Variants in DIP2C observed in about 807,000 individuals in gnomAD.
DIP2C encodes disco-interacting protein 2 homolog C.
DIP2C carries 33 observed loss-of-function variants against 192.4 expected under a neutral mutation model. The observed-to-expected ratio is 0.17, with a 90% CI of 0.13 to 0.23. DIP2C has a LOEUF of 0.23. Ranked by LOEUF, DIP2C falls within the 10% of genes least tolerant of loss-of-function variation. The pLI is 1.00. For missense variants in DIP2C, 1,537 were observed against 2,110.1 expected, an observed-to-expected ratio of 0.73 and a Z score of 5.32; for synonymous variants, 979 against 864.1, an observed-to-expected ratio of 1.13 and a Z score of -2.33.
At chr10:642,040 A>G (rs963770037) in intron 1 of DIP2C, among the ~76,000 whole-genome samples, 1 of 152,162 alleles carries the variant, frequency 6.6e-6, no homozygotes, top group Non-Finnish European at 1.5e-5. Context: ...GGAAAGAAAG[A>G]AAGAAATACA....
intron 32 of DIP2C, among the ~76,000 whole-genome samples, chr10:293,215 G>A (rs1383252186): frequency 2.0e-5 from 3 of 152,238 alleles, no homozygotes; most frequent in Non-Finnish European, 2.9e-5. Context: ...GAAGGGTCCA[G>A]CATCCTCAGC....
At chr10:468,674 C>A (rs989987634) in intron 3 of DIP2C, among the ~76,000 whole-genome samples, 1 of 152,154 alleles carries the variant, frequency 6.6e-6, no homozygotes, top group Non-Finnish European at 1.5e-5. Context: ...GCAGGAGAAT[C>A]GCTTGAACCC....
At chr10:532,192 G>A (rs898179394) in intron 1 of DIP2C, among the ~76,000 whole-genome samples, 16 of 152,132 alleles carry the variant, frequency 1.1e-4, no homozygotes, top group African/African-American at 3.9e-4. Flanking sequence ...TTGCATGGAT[G>A]TAAACCCACC....
intron 29 of DIP2C, among the ~76,000 whole-genome samples, chr10:336,735 G>A (rs1355389116): frequency 6.6e-6 from 1 of 152,212 alleles, no homozygotes; most frequent in African/African-American, 2.4e-5. Context: ...TCATGGCTCC[G>A]TCTGCGTCCT....
intron 17 of DIP2C, among the ~76,000 whole-genome samples, chr10:382,204 T>TAC (rs1962430173): frequency 2.0e-5 from 3 of 152,132 alleles, no homozygotes; most frequent in African/African-American, 7.2e-5. Context: ...GCATCAACTA[T>TAC]ACACCAGAGA....
rs200753943 is a variant in DIP2C at position 392,890 on chromosome 10, GCCCA to G, written c.1261-2031_1261-2028del. On this transcript the variant is annotated intron_variant, in intron 10 of 36. Coordinates refer to ENST00000280886, the MANE Select transcript of DIP2C (RefSeq NM_014974.3). ...AGACACTCAACACTCACACACACGT[GCCCA>G]CACACAGGCGCGCACACACACTCAA... Among the ~76,000 whole-genome samples, 8 of 6,096 alleles carry G rather than the reference GCCCA, an allele frequency of 1.3e-3. No individual in the cohort carries two copies. The South Asian group carries it at 0.25, about 190-fold the overall frequency. The allele number at this position is 6,096 out of a possible 152,430, so 4.0% of individuals were successfully genotyped here.
At chr10:579,295 G>C (rs1329695269) in intron 1 of DIP2C, among the ~76,000 whole-genome samples, 1 of 151,718 alleles carries the variant, frequency 6.6e-6, no homozygotes, top group Non-Finnish European at 1.5e-5. Flanking sequence ...GATTCATGTA[G>C]TGTACACACA....
chr10:304,511 C>T (rs557652990), intron 32 of DIP2C, among the ~76,000 whole-genome samples: 1 of 152,196 alleles, frequency 6.6e-6, no homozygotes, highest in South Asian at 2.1e-4. Context: ...TGGCCCCCTC[C>T]CAGCAAATCC....
At chr10:331,911 C>T (rs1027073041) in intron 29 of DIP2C, among the ~76,000 whole-genome samples, 3 of 151,000 alleles carry the variant, frequency 2.0e-5, no homozygotes, top group Non-Finnish European at 4.4e-5. Flanking sequence ...TAACATTTAC[C>T]ATATTAACCA....
At chr10:412,407 T>A (rs1314985356) in intron 8 of DIP2C, among the ~76,000 whole-genome samples, 1 of 152,152 alleles carries the variant, frequency 6.6e-6, no homozygotes, top group Admixed American at 6.5e-5. Context: ...CACAATTAGC[T>A]CCAGGGCTGA....
intron 4 of DIP2C, among the ~76,000 whole-genome samples, chr10:428,917 A>G (rs1050875609): frequency 4.6e-5 from 7 of 152,020 alleles, no homozygotes; most frequent in African/African-American, 1.4e-4. Flanking sequence ...TTCTTCTATC[A>G]TATTTTCCAG....
At chr10:430,919 T>A (rs1018912965) in intron 4 of DIP2C, among the ~76,000 whole-genome samples, 7 of 152,380 alleles carry the variant, frequency 4.6e-5, no homozygotes, top group Admixed American at 3.9e-4. Flanking sequence ...CTAGGTTTGG[T>A]GTTTTTCTTT....
chr10:286,361 GAA>G lies in DIP2C; in HGVS notation c.4045-16_4045-15del, dbSNP rs759853136. ...CCCTGGAAGTATCTATTTGGGAGAGGAAAAGTCTCTTGTCAATGGGAGGAATA... is the reference window on the plus strand; with the variant it reads ...CCCTGGAAGTATCTATTTGGGAGAGGAAGTCTCTTGTCAATGGGAGGAATA... On this transcript the variant is annotated splice_polypyrimidine_tract_variant and intron_variant, in intron 33 of 36. Transcript: ENST00000280886. The G allele has an allele frequency of 1.3e-5, 21 of 1,613,032 alleles. No individual in the cohort carries two copies. Among genetic ancestry groups the G allele is most frequent in the Non-Finnish European group, 1.7e-5 (20 of 1,179,004 alleles).
At chr10:295,047 C>T in intron 32 of DIP2C, among the ~76,000 whole-genome samples, 1 of 151,212 alleles carries the variant, frequency 6.6e-6, no homozygotes. Context: ...AAATAAATGT[C>T]CAGAAAATAC....
chr10:438,568 C>A (rs1001641129), intron 4 of DIP2C, among the ~76,000 whole-genome samples: 1 of 152,056 alleles, frequency 6.6e-6, no homozygotes, highest in Non-Finnish European at 1.5e-5. Context: ...TGGCTCACTG[C>A]AGCCTCAGCC....
At chr10:367,793 G>C (rs1327540037) in intron 18 of DIP2C, among the ~76,000 whole-genome samples, 1 of 152,240 alleles carries the variant, frequency 6.6e-6, no homozygotes, top group African/African-American at 2.4e-5. Context: ...GGACCCTCAG[G>C]ATAAAACATG....
At chr10:594,833 C>A (rs897542063) in intron 1 of DIP2C, among the ~76,000 whole-genome samples, 2 of 152,178 alleles carry the variant, frequency 1.3e-5, no homozygotes, top group Non-Finnish European at 2.9e-5. Context: ...GAATTTACGA[C>A]CTGCTGCTGT....
At chr10:423,175 A>G (rs1419592101) in intron 4 of DIP2C, 142 bp from the exon 5 acceptor site, 1 of 750,626 alleles carries the variant, frequency 1.3e-6, no homozygotes, top group African/African-American at 1.8e-5. Context: ...GAGAAGTTAA[A>G]CCACGTTTCA....
At chr10:384,450 G>A (rs1251536133) in intron 15 of DIP2C, 96 bp downstream of exon 15, 27 of 1,249,186 alleles carry the variant, frequency 2.2e-5, no homozygotes, top group Non-Finnish European at 2.1e-5. Context: ...ATTGGCCCGG[G>A]TGGTCTGGAA....
Sources: gnomAD v4.1 joint callset for allele counts (sites outside exome capture counted in the v4.1 genomes callset) on GRCh38, gnomAD v4.1.1 for gene constraint, MANE v1.5 for transcripts, NCBI Gene and HGNC (gene_info 2026-07-23, HGNC 2026-07-21) for gene names.